Variants in TENM1 observed in about 807,000 individuals in gnomAD.
The protein encoded by TENM1 is teneurin-1.
In TENM1, 35 loss-of-function variants were observed where a neutral mutation model predicts 174.8. The observed-to-expected ratio is 0.20, with a 90% CI of 0.15 to 0.27. The LOEUF (loss-of-function observed/expected upper bound fraction) is 0.27. Ranked by LOEUF, TENM1 falls within the 10% of genes least tolerant of loss-of-function variation. The probability of loss-of-function intolerance (pLI) is 1.00; values close to 1 mark genes in which losing one functional copy is unlikely to be tolerated. For missense variants in TENM1, 1,633 were observed against 2,130.1 expected, an observed-to-expected ratio of 0.77 and a Z score of 4.59; for synonymous variants, 781 against 798.7, an observed-to-expected ratio of 0.98 and a Z score of 0.37.
chrX:125,171,097 T>C, the TENM1 span, among the ~76,000 whole-genome samples: 1 of 111,101 alleles, frequency 9.0e-6, no homozygotes, highest in Admixed American at 9.6e-5. Flanking sequence ...GTATCTATTA[T>C]ATCCCAAATT....
chrX:125,068,354 A>G, the TENM1 span, among the ~76,000 whole-genome samples: 5 of 111,803 alleles, frequency 4.5e-5, no homozygotes, highest in Non-Finnish European at 9.4e-5. Flanking sequence ...ACAAAGGGTG[A>G]GAAGAAAGGT....
intron 3 of TENM1, among the ~76,000 whole-genome samples, chrX:124,802,039 G>A (rs1445282170): frequency 6.3e-5 from 7 of 111,023 alleles, no homozygotes; most frequent in Admixed American, 5.7e-4. Context: ...TAGCTTCTTT[G>A]CATTGGGTTA....
chrX:125,193,241 G>A, the TENM1 span, among the ~76,000 whole-genome samples: 2 of 111,830 alleles, frequency 1.8e-5, no homozygotes, highest in Non-Finnish European at 3.8e-5. Flanking sequence ...CTGTATCCAT[G>A]AGTTCCACAT....
intron 1 of TENM1, among the ~76,000 whole-genome samples, chrX:124,957,968 T>G (rs2058602232): frequency 8.9e-6 from 1 of 111,854 alleles, no homozygotes; most frequent in African/African-American, 3.2e-5. Context: ...TCTCCATGCA[T>G]TTATATTTTC....
chrX:124,487,693 G>A (rs151283203), intron 20 of TENM1, among the ~76,000 whole-genome samples: 3,723 of 111,321 alleles, frequency 0.033, 128 homozygotes, highest in African/African-American at 0.11. Context: ...AAGCAGCCAC[G>A]GCAGAGGGAC....
Position 124,734,726 on chromosome X carries a change from C to T in TENM1, c.776+2231G>A, listed in dbSNP as rs1278117359. Among the ~76,000 whole-genome samples the T allele has an allele frequency of 2.7e-5, 3 of 111,677 alleles. No individual in the cohort carries two copies. In the Admixed American group the frequency reaches 2.9e-4, roughly 11 times the overall value. On this transcript the variant is annotated intron_variant, in intron 4 of 31. Coordinates refer to ENST00000422452, the Ensembl canonical transcript of TENM1. The stretch of plus-strand genomic sequence containing the variant: ...TTAATATGCTGCTAAACAACAAAAA[C>T]AATAACAACCAGTCTTAGGAGAGTT...
chrX:124,674,860 C>G (rs1189857246), intron 5 of TENM1, among the ~76,000 whole-genome samples: 3 of 111,447 alleles, frequency 2.7e-5, no homozygotes, highest in African/African-American at 9.8e-5. Context: ...GGTTCAATTA[C>G]TTCTGTGAAA....
the TENM1 span, among the ~76,000 whole-genome samples, chrX:125,197,797 T>A: frequency 1.8e-5 from 2 of 112,066 alleles, no homozygotes; most frequent in Non-Finnish European, 3.8e-5. Context: ...AACATATATA[T>A]TTTGAAATTT....
At chrX:124,744,550 T>C (rs2053872223) in intron 3 of TENM1, among the ~76,000 whole-genome samples, 1 of 112,240 alleles carries the variant, frequency 8.9e-6, no homozygotes, top group Non-Finnish European at 1.9e-5. Flanking sequence ...CCCTGTTTTA[T>C]CTTATGTTGA....
At chrX:125,081,142 A>G in the TENM1 span, among the ~76,000 whole-genome samples, 1 of 111,234 alleles carries the variant, frequency 9.0e-6, no homozygotes, top group Admixed American at 9.6e-5. Flanking sequence ...TTGGAACAAC[A>G]CCTAGTATAT....
the TENM1 span, among the ~76,000 whole-genome samples, chrX:124,993,369 CTA>C: frequency 2.7e-5 from 3 of 111,004 alleles, no homozygotes; most frequent in East Asian, 8.4e-4. Context: ...TTGCCGTAGT[CTA>C]TATACTCAGA....
At chrX:124,881,875 C>T (rs1199978194) in intron 3 of TENM1, among the ~76,000 whole-genome samples, 6 of 110,724 alleles carry the variant, frequency 5.4e-5, no homozygotes, top group Non-Finnish European at 1.1e-4. Flanking sequence ...ATTACAGGCA[C>T]CTGCCACCAT....
chrX:125,016,472 A>G, the TENM1 span, among the ~76,000 whole-genome samples: 2 of 111,315 alleles, frequency 1.8e-5, no homozygotes, highest in African/African-American at 6.5e-5. Flanking sequence ...AATTGCTACA[A>G]AGAGAATAAA....
At chrX:124,956,154 G>A (rs1431059545) in intron 1 of TENM1, among the ~76,000 whole-genome samples, 1 of 111,425 alleles carries the variant, frequency 9.0e-6, no homozygotes, top group African/African-American at 3.3e-5. Context: ...CAGAATACAC[G>A]GCATGGTTCT....
the TENM1 span, among the ~76,000 whole-genome samples, chrX:125,031,272 T>A: frequency 9.0e-6 from 1 of 111,498 alleles, no homozygotes. Context: ...GCAAAGGATA[T>A]AATTTCATTC....
the TENM1 span, among the ~76,000 whole-genome samples, chrX:125,061,423 T>C: frequency 8.9e-6 from 1 of 112,044 alleles, no homozygotes; most frequent in African/African-American, 3.2e-5. Context: ...AAGGATTTTA[T>C]ATATGCCCCC....
chrX:124,608,211 C>T (rs1481710149), intron 11 of TENM1, among the ~76,000 whole-genome samples: 1 of 111,149 alleles, frequency 9.0e-6, no homozygotes, highest in Non-Finnish European at 1.9e-5. Context: ...TAGTTTTAGT[C>T]GAGTGCTTGT....
intron 11 of TENM1, among the ~76,000 whole-genome samples, chrX:124,615,884 T>C (rs2148317108): frequency 8.9e-6 from 1 of 112,493 alleles, no homozygotes; most frequent in Admixed American, 9.4e-5. Flanking sequence ...ATTATGTTTC[T>C]TTAGGGATGA....
At chrX:124,399,338 G>A (rs940663038) in intron 27 of TENM1, among the ~76,000 whole-genome samples, 1 of 112,184 alleles carries the variant, frequency 8.9e-6, no homozygotes, top group Non-Finnish European at 1.9e-5. Context: ...AATTGCTGCT[G>A]TTATGGTTAA....
Sources: allele counts gnomAD v4.1 joint callset (sites outside exome capture counted in the v4.1 genomes callset), GRCh38; gene constraint gnomAD v4.1.1; transcripts MANE v1.5; gene names NCBI Gene and HGNC (gene_info 2026-07-23, HGNC 2026-07-21).